Variants in GPC4 observed in about 807,000 individuals in gnomAD.
GPC4 encodes glypican 4.
In GPC4, 10 loss-of-function variants were observed where a neutral mutation model predicts 35.0. The observed-to-expected ratio is 0.29, with a 90% CI of 0.18 to 0.48. The LOEUF is 0.48. Ranked by LOEUF, GPC4 falls within the 20% of genes least tolerant of loss-of-function variation. The pLI is 0.99. For missense variants in GPC4, 322 were observed against 451.3 expected, an observed-to-expected ratio of 0.71 and a Z score of 2.60; for synonymous variants, 167 against 170.2, an observed-to-expected ratio of 0.98 and a Z score of 0.15.
intron 1 of GPC4, among the ~76,000 whole-genome samples, chrX:133,351,140 GT>G (rs2068514532): frequency 8.9e-6 from 1 of 112,312 alleles, no homozygotes; most frequent in African/African-American, 3.2e-5. Context: ...ATTTCAATGT[GT>G]ACTTCCTCTT....
intron 1 of GPC4, among the ~76,000 whole-genome samples, chrX:133,341,739 G>A (rs1036338508): frequency 9.0e-6 from 1 of 111,112 alleles, no homozygotes; most frequent in Non-Finnish European, 1.9e-5. Flanking sequence ...AATACTAAGA[G>A]ACAGCAGGAA....
chrX:133,372,219 G>T (rs949919991), intron 1 of GPC4, among the ~76,000 whole-genome samples: 2 of 65,969 alleles, frequency 3.0e-5, no homozygotes, highest in South Asian at 1.9e-3. Flanking sequence ...CAGCGACTCC[G>T]TCTTTAAAAA....
rs551296890 is a variant in GPC4, at chrX:133,326,898, C to T, written c.320-2362G>A. The stretch of plus-strand genomic sequence containing the variant: ...CTTAAATGTCATCTGGTCCATGTCC[C>T]ACACCATGCTTGAATTTTGCTAGCA... On this transcript the variant is annotated intron_variant, in intron 2 of 8. Coordinates refer to ENST00000370828, the MANE Select transcript of GPC4 (RefSeq NM_001448.3). Among the ~76,000 whole-genome samples the T allele has an allele frequency of 2.5e-4, 28 of 112,459 alleles. No homozygotes were observed. The South Asian group carries it at 8.9e-3, about 36-fold the overall frequency.
rs969892207 is a variant in GPC4, at chrX:133,414,762, G to T, written c.160+44C>A. On this transcript the variant is annotated intron_variant, in intron 1 of 8. Coordinates refer to ENST00000370828, the MANE Select transcript of GPC4 (RefSeq NM_001448.3). ...GAAGGGAGTTGCAGCCTCCCTTCCC[G>T]AAGTGTCGGTCTCTGCGCCCACCTC... is the stretch of plus-strand genomic sequence containing the variant. 3.4e-6 allele frequency: 4 copies of T among 1,188,754 alleles called. No homozygotes were observed. The African/African-American group carries it at 5.3e-5, about 16-fold the overall frequency.
At chrX:133,373,004 CTT>C (rs754358132) in intron 1 of GPC4, among the ~76,000 whole-genome samples, 1 of 111,731 alleles carries the variant, frequency 9.0e-6, no homozygotes, top group African/African-American at 3.3e-5. Flanking sequence ...GATGGAATCT[CTT>C]TACTTCCACA....
intron 1 of GPC4, among the ~76,000 whole-genome samples, chrX:133,367,974 C>A (rs2068597131): frequency 9.0e-6 from 1 of 111,187 alleles, no homozygotes; most frequent in African/African-American, 3.3e-5. Context: ...TATAATTTTT[C>A]AAGAAAAGTG....
intron 1 of GPC4, among the ~76,000 whole-genome samples, chrX:133,386,431 T>C (rs900099403): frequency 1.8e-5 from 2 of 111,742 alleles, no homozygotes; most frequent in African/African-American, 6.5e-5. Flanking sequence ...TAATACAAAA[T>C]GTTTCAGATA....
intron 2 of GPC4, among the ~76,000 whole-genome samples, chrX:133,326,869 G>C (rs1168827475): frequency 8.9e-6 from 1 of 112,227 alleles, no homozygotes; most frequent in African/African-American, 3.2e-5. Flanking sequence ...AGTTGAGAAG[G>C]GACCTTAAAT....
At chrX:133,304,618 G>A in intron 7 of GPC4, 107 bp downstream of exon 7, 2 of 948,024 alleles carry the variant, frequency 2.1e-6, no homozygotes, top group Non-Finnish European at 3.0e-6. Flanking sequence ...GCTACCTACT[G>A]TGAATTGCTT....
rs936668466 is a variant in GPC4, at chrX:133,406,297, T to G, written c.160+8509A>C. Among the ~76,000 whole-genome samples the G allele has an allele frequency of 5.8e-4, 65 of 112,559 alleles. 1 individual carries two copies. Among genetic ancestry groups the G allele is most frequent in the Non-Finnish European group, 5.1e-4 (27 of 53,318 alleles). On this transcript the variant is annotated intron_variant, in intron 1 of 8. Transcript: ENST00000370828. ...TTGTGGTTCACACTTATATCTTGAT[T>G]GAAAACATTTTCCTCCATGTTTGAC... is the stretch of plus-strand genomic sequence containing the variant.
intron 1 of GPC4, among the ~76,000 whole-genome samples, chrX:133,356,070 C>T (rs1403094865): frequency 1.8e-5 from 2 of 111,405 alleles, no homozygotes; most frequent in East Asian, 2.8e-4. Flanking sequence ...AACAGTCAGG[C>T]ACTTCAAGAA....
At chrX:133,371,357 T>C (rs1032896641) in intron 1 of GPC4, among the ~76,000 whole-genome samples, 5 of 112,484 alleles carry the variant, frequency 4.4e-5, no homozygotes, top group Non-Finnish European at 9.4e-5. Flanking sequence ...ATTTGCTCTG[T>C]GTTATTTTCT....
intron 1 of GPC4, among the ~76,000 whole-genome samples, chrX:133,390,086 GA>G (rs2068712375): frequency 9.0e-6 from 1 of 110,694 alleles, no homozygotes; most frequent in African/African-American, 3.3e-5. Context: ...TTCAAGCAGA[GA>G]AGCTTGAAGT....
chrX:133,399,548 C>T (rs1395446094), intron 1 of GPC4, among the ~76,000 whole-genome samples: 2 of 112,155 alleles, frequency 1.8e-5, no homozygotes, highest in Admixed American at 1.9e-4. Flanking sequence ...CAGAACTCCC[C>T]TGAAGCAACC....
At chrX:133,402,037 T>A (rs183791886) in intron 1 of GPC4, among the ~76,000 whole-genome samples, 1 of 112,270 alleles carries the variant, frequency 8.9e-6, no homozygotes, top group African/African-American at 3.2e-5. Flanking sequence ...ATAATTTGAC[T>A]ATAAATTGTA....
At chrX:133,334,684 T>A (rs2068434485) in intron 2 of GPC4, among the ~76,000 whole-genome samples, 1 of 111,713 alleles carries the variant, frequency 9.0e-6, no homozygotes, top group South Asian at 3.8e-4. Context: ...TTGCCCCAGG[T>A]CACAGTCACA....
rs2068271597 is a variant in GPC4, at chrX:133,302,642, G to A, written c.*225C>T. The A allele has an allele frequency of 1.7e-5, 7 of 414,654 alleles. No homozygotes were observed. Among genetic ancestry groups the A allele is most frequent in the East Asian group, 1.2e-4 (3 of 25,732 alleles). The allele number at this position is 414,654 out of a possible 1,213,427, so 34.2% of individuals were successfully genotyped here. A position where few individuals can be genotyped will look rare whatever the true frequency, so the allele number is the denominator to read the frequency against. Reference sequence around the variant, plus strand: ...GTTCTGTACCTACACTGTTAGCCACGTTTAACATGGTTTGGGGGAGCAGGA... The same window carrying A: ...GTTCTGTACCTACACTGTTAGCCACATTTAACATGGTTTGGGGGAGCAGGA... On this transcript the variant is annotated 3_prime_UTR_variant, in exon 9 of 9. Coordinates refer to ENST00000370828, the MANE Select transcript of GPC4 (RefSeq NM_001448.3).
chrX:133,314,325 A>AT (rs2068327915), intron 3 of GPC4, among the ~76,000 whole-genome samples: 1 of 112,140 alleles, frequency 8.9e-6, no homozygotes, highest in Non-Finnish European at 1.9e-5. Context: ...TCTTAGTTCA[A>AT]TTGCAAGTCA....
At position 133,355,605 on chromosome X, in the gene GPC4, A is replaced by G. The variant is rs554062622; in HGVS notation, c.161-16264T>C. On this transcript the variant is annotated intron_variant, in intron 1 of 8. Transcript: ENST00000370828. ...AACCCAAACTTCTTTTTATTCCACC[A>G]GTAAGTAGCAGTAAGCAGCAACTTA... Among the ~76,000 whole-genome samples the G allele has an allele frequency of 5.6e-4, 63 of 111,979 alleles. No homozygotes were observed. The South Asian group carries it at 0.022, about 39-fold the overall frequency.
Sources: gnomAD v4.1 joint callset for allele counts (sites outside exome capture counted in the v4.1 genomes callset) on GRCh38, gnomAD v4.1.1 for gene constraint, MANE v1.5 for transcripts, NCBI Gene and HGNC (gene_info 2026-07-23, HGNC 2026-07-21) for gene names.